ASRGL1: variants seen among roughly 807,000 people sequenced by gnomAD.
ASRGL1 encodes the protein isoaspartyl peptidase/L-asparaginase.
ASRGL1 carries 16 observed loss-of-function variants against 22.4 expected under a neutral mutation model. The observed-to-expected ratio is 0.71, with a 90% CI of 0.48 to 1.08. ASRGL1 has a LOEUF of 1.08. ASRGL1 is among the 50% of genes least tolerant of loss of function. ASRGL1 has a pLI of 0.00. For missense variants in ASRGL1, 412 were observed against 410.1 expected, an observed-to-expected ratio of 1.00 and a Z score of -0.04; for synonymous variants, 165 against 159.3, an observed-to-expected ratio of 1.04 and a Z score of -0.27.
chr11:62,340,613 C>G (rs1351789275), intron 2 of ASRGL1, among the ~76,000 whole-genome samples: 3 of 152,162 alleles, frequency 2.0e-5, no homozygotes, highest in Non-Finnish European at 4.4e-5. Context: ...TATCCAGAGG[C>G]CTTCCTTCTC....
intron 4 of ASRGL1, among the ~76,000 whole-genome samples, chr11:62,368,122 GAA>G (rs1367082737): frequency 6.6e-6 from 1 of 152,116 alleles, no homozygotes; most frequent in East Asian, 1.9e-4. Context: ...GATGTTTTGA[GAA>G]AGAGACCACA....
chr11:62,366,277 T>G (rs1330011549), intron 4 of ASRGL1, among the ~76,000 whole-genome samples: 2 of 146,870 alleles, frequency 1.4e-5, no homozygotes, highest in African/African-American at 5.0e-5. Context: ...AAAAAAAAAG[T>G]TCACCTTATA....
chr11:62,349,725 G>A (rs1946125836), intron 2 of ASRGL1, among the ~76,000 whole-genome samples: 1 of 152,220 alleles, frequency 6.6e-6, no homozygotes, highest in Admixed American at 6.5e-5. Flanking sequence ...AGAGTAAAAT[G>A]AAAGCAAGTT....
At chr11:62,394,422 A>G (rs1947406979), downstream of ASRGL1, among the ~76,000 whole-genome samples, 1 of 149,900 alleles carries the variant, frequency 6.7e-6, no homozygotes, top group African/African-American at 2.5e-5. Context: ...TCACCTCTTC[A>G]AAGGCCCTGT....
chr11:62,358,684 T>C (rs1006847355), intron 4 of ASRGL1, among the ~76,000 whole-genome samples: 1 of 152,194 alleles, frequency 6.6e-6, no homozygotes, highest in African/African-American at 2.4e-5. Flanking sequence ...TCACTCAACA[T>C]TGGCACAGCT....
intron 4 of ASRGL1, among the ~76,000 whole-genome samples, chr11:62,377,946 T>TA (rs1260509215): frequency 6.6e-6 from 1 of 152,180 alleles, no homozygotes; most frequent in Non-Finnish European, 1.5e-5. Flanking sequence ...CTAAGGGATC[T>TA]ATTCTATTTA....
downstream of ASRGL1, among the ~76,000 whole-genome samples, chr11:62,396,605 C>T (rs1355986652): frequency 6.6e-6 from 1 of 152,144 alleles, no homozygotes; most frequent in Admixed American, 6.5e-5. Context: ...GAGGCAGCCC[C>T]AAGAGGGCCC....
the ASRGL1 span, among the ~76,000 whole-genome samples, chr11:62,399,206 A>C: frequency 7.9e-5 from 12 of 152,174 alleles, no homozygotes; most frequent in Admixed American, 4.6e-4. Flanking sequence ...ACAAGAACAA[A>C]ACTCCAACTC....
intron 4 of ASRGL1, chr11:62,371,862 G>A: frequency 1.9e-6 from 1 of 535,924 alleles, no homozygotes; most frequent in East Asian, 3.3e-5. Context: ...GCTGAGGCAG[G>A]AGAATGGCGT....
chr11:62,350,638 A>G (rs1946146315), intron 2 of ASRGL1, among the ~76,000 whole-genome samples: 3 of 152,160 alleles, frequency 2.0e-5, no homozygotes, highest in Admixed American at 6.5e-5. Flanking sequence ...TCTACTAAAA[A>G]TACAAAAATT....
rs536092744 is a variant in ASRGL1, at chr11:62,344,782, G to A, written c.190+6615G>A. ...TTTTAAGATGTATAGCTAAATTATC[G>A]ACTATAGTCACTGTTGTGCTATCAA... is the stretch of plus-strand genomic sequence containing the variant. On this transcript the variant is annotated intron_variant, in intron 2 of 6. Coordinates refer to ENST00000415229, the MANE Select transcript of ASRGL1 (RefSeq NM_001083926.2). Among the ~76,000 whole-genome samples, 169 of 152,028 alleles carry A rather than the reference G, an allele frequency of 1.1e-3. 5 individuals are homozygous for A. The South Asian group carries it at 0.033, about 30-fold the overall frequency.
chr11:62,345,110 T>C (rs1413651802), intron 2 of ASRGL1, among the ~76,000 whole-genome samples: 2 of 152,224 alleles, frequency 1.3e-5, no homozygotes, highest in Non-Finnish European at 2.9e-5. Context: ...TCTTTATTCA[T>C]CTGTTGATGA....
intron 2 of ASRGL1, among the ~76,000 whole-genome samples, chr11:62,341,294 G>C (rs1043169697): frequency 2.0e-5 from 3 of 151,512 alleles, no homozygotes; most frequent in African/African-American, 7.3e-5. Context: ...CACCTCTCAG[G>C]TTCAAGCGAT....
At chr11:62,345,763 C>T (rs12801810) in intron 2 of ASRGL1, among the ~76,000 whole-genome samples, 1 of 152,196 alleles carries the variant, frequency 6.6e-6, no homozygotes, top group African/African-American at 2.4e-5. Flanking sequence ...TGGTCCCCAA[C>T]CTTTTTGGCA....
chr11:62,356,330 G>A lies in ASRGL1; in HGVS notation c.196G>A (p.Gly66Arg). ...CAACTTCTTTTTGGTTTTAGGTTGT[G>A]GGTCTGTCTTGAACACAAATGGTGA... ...EDDPEFNAGC[G>R]SVLNTNGEVE... Residue 66 changes from glycine to arginine, a missense_variant, in exon 3 of 7, where the codon GGG becomes AGG. Physicochemically the swap from Gly to Arg is moderately radical, Grantham distance 125. Coordinates refer to ENST00000415229, the MANE Select transcript of ASRGL1 (RefSeq NM_001083926.2). 1 of 1,613,946 alleles carries A rather than the reference G, an allele frequency of 6.2e-7. No homozygotes were observed. The highest frequency in any genetic ancestry group is 8.5e-7 in the Non-Finnish European group (1 of 1,179,936).
At chr11:62,363,510 G>A (rs768677271) in intron 4 of ASRGL1, among the ~76,000 whole-genome samples, 3 of 152,088 alleles carry the variant, frequency 2.0e-5, no homozygotes, top group Non-Finnish European at 2.9e-5. Flanking sequence ...GAATATACCA[G>A]CATCAAAACC....
chr11:62,356,481 A>G lies in ASRGL1; in HGVS notation c.333+14A>G, dbSNP rs1372668487. ...GTCATGGAAAAGGTATATGTGACTA[A>G]AGCAGCCTTTTCCTAATGAATTGTT... On this transcript the variant is annotated intron_variant, in intron 3 of 6. Transcript: ENST00000415229. The G allele has an allele frequency of 6.2e-7, 1 of 1,613,384 alleles. No homozygotes were observed. The highest frequency in any genetic ancestry group is 1.3e-5 in the African/African-American group (1 of 74,904).
At chr11:62,369,389 G>C (rs531827536) in intron 4 of ASRGL1, among the ~76,000 whole-genome samples, 3 of 152,064 alleles carry the variant, frequency 2.0e-5, no homozygotes, top group African/African-American at 7.3e-5. Flanking sequence ...ACAAAATGGA[G>C]TCTCTTATGT....
At chr11:62,363,866 ACAT>A (rs1178573461) in intron 4 of ASRGL1, among the ~76,000 whole-genome samples, 1 of 152,164 alleles carries the variant, frequency 6.6e-6, no homozygotes, top group Non-Finnish European at 1.5e-5. Context: ...AAGTATAAGA[ACAT>A]CATCAGGCCG....
Sources: gnomAD v4.1 joint callset for allele counts (sites outside exome capture counted in the v4.1 genomes callset) on GRCh38, gnomAD v4.1.1 for gene constraint, MANE v1.5 for transcripts, NCBI Gene and HGNC (gene_info 2026-07-23, HGNC 2026-07-21) for gene names.